SCFD2: variants seen among roughly 807,000 people sequenced by gnomAD.
SCFD2 encodes sec1 family domain containing 2.
A neutral mutation model predicts 58.9 loss-of-function variants in SCFD2; 54 were observed. The observed-to-expected ratio is 0.92, with a 90% CI of 0.74 to 1.15. The LOEUF is 1.15. Ranked by LOEUF, SCFD2 falls within the 50% of genes most tolerant of loss-of-function variation. SCFD2 has a pLI of 0.00. For missense variants in SCFD2, 805 were observed against 836.6 expected, an observed-to-expected ratio of 0.96 and a Z score of 0.47; for synonymous variants, 321 against 335.9, an observed-to-expected ratio of 0.96 and a Z score of 0.49.
chr4:53,030,912 C>T lies in SCFD2; in HGVS notation c.1562-110042G>A, dbSNP rs552573350. On this transcript the variant is annotated intron_variant, in intron 5 of 8. Coordinates refer to ENST00000401642, the MANE Select transcript of SCFD2 (RefSeq NM_152540.4). ...AATTCACCTGGCTAATGAATAAATA[C>T]ATTGGTACTCCCACACAGCAGAAGA... Among the ~76,000 whole-genome samples the T allele has an allele frequency of 1.9e-3, 283 of 152,316 alleles. 2 individuals are homozygous for T. Among genetic ancestry groups the T allele is most frequent in the Non-Finnish European group, 2.8e-3 (192 of 68,020 alleles).
At chr4:53,268,996 C>A (rs1390969172) in intron 4 of SCFD2, among the ~76,000 whole-genome samples, 1 of 152,120 alleles carries the variant, frequency 6.6e-6, no homozygotes, top group Non-Finnish European at 1.5e-5. Flanking sequence ...AGGGGGAAAA[C>A]TGGAATGAAC....
intron 4 of SCFD2, among the ~76,000 whole-genome samples, chr4:53,249,768 C>G (rs982961881): frequency 2.0e-5 from 3 of 152,124 alleles, no homozygotes; most frequent in African/African-American, 7.2e-5. Flanking sequence ...TTTGTCACCA[C>G]CAGGCCTGCC....
chr4:52,916,359 C>T (rs1279482865), intron 6 of SCFD2, among the ~76,000 whole-genome samples: 1 of 152,228 alleles, frequency 6.6e-6, no homozygotes, highest in Admixed American at 6.5e-5. Context: ...CACCTGAGGT[C>T]AGGAGTTCAA....
chr4:52,907,651 C>G, intron 6 of SCFD2, 60 bp from the exon 7 acceptor site: 1 of 1,547,090 alleles, frequency 6.5e-7, no homozygotes, highest in Non-Finnish European at 8.9e-7. Context: ...GAGAGGACAG[C>G]TTTATCTGCA....
At chr4:53,159,955 A>G (rs143833711) in intron 4 of SCFD2, among the ~76,000 whole-genome samples, 1 of 152,340 alleles carries the variant, frequency 6.6e-6, no homozygotes, top group East Asian at 1.9e-4. Context: ...AAATGCACGA[A>G]AAAGAATCAG....
chr4:53,093,831 T>C (rs551939993), intron 5 of SCFD2, among the ~76,000 whole-genome samples: 3 of 151,946 alleles, frequency 2.0e-5, no homozygotes, highest in African/African-American at 4.8e-5. Context: ...GCATCAGTCA[T>C]CTCCAGGAAG....
intron 2 of SCFD2, among the ~76,000 whole-genome samples, chr4:53,338,575 C>CTTTTTTTTATATTTTTTTTTTTTTTTTT (rs1733752925): frequency 1.4e-5 from 1 of 72,296 alleles, no homozygotes; most frequent in Non-Finnish European, 2.5e-5. Context: ...GTATATTTTT[C>CTTTTTTTTATATTTTTTTTTTTTTTTTT]TTTTTTTTTT....
intron 2 of SCFD2, among the ~76,000 whole-genome samples, chr4:53,317,114 A>G (rs1475456653): frequency 6.6e-6 from 1 of 152,062 alleles, no homozygotes; most frequent in Non-Finnish European, 1.5e-5. Flanking sequence ...GTCAAAAAAA[A>G]AAAAAAAAAT....
intron 2 of SCFD2, among the ~76,000 whole-genome samples, chr4:53,322,239 A>G (rs1476255970): frequency 2.6e-5 from 4 of 152,170 alleles, no homozygotes; most frequent in African/African-American, 7.2e-5. Context: ...GCAGTAAAGA[A>G]GCCGACCAAA....
At chr4:53,029,128 T>C (rs1157498083) in intron 5 of SCFD2, among the ~76,000 whole-genome samples, 1 of 152,208 alleles carries the variant, frequency 6.6e-6, no homozygotes, top group Non-Finnish European at 1.5e-5. Context: ...TTTCTTGTGA[T>C]GTGTGGTATG....
At chr4:52,907,392 G>A in intron 7 of SCFD2, 65 bp downstream of exon 7, 4 of 1,537,528 alleles carry the variant, frequency 2.6e-6, no homozygotes, top group Non-Finnish European at 3.6e-6. Flanking sequence ...CAGGGTGCCA[G>A]CATTTTCATG....
At chr4:53,330,464 T>C (rs2149131045) in intron 2 of SCFD2, among the ~76,000 whole-genome samples, 1 of 152,234 alleles carries the variant, frequency 6.6e-6, no homozygotes, top group East Asian at 1.9e-4. Context: ...GAAAAGAATT[T>C]TCAACCCAGA....
intron 4 of SCFD2, among the ~76,000 whole-genome samples, chr4:53,255,245 G>A (rs1376399026): frequency 2.1e-5 from 2 of 93,250 alleles, no homozygotes; most frequent in African/African-American, 3.3e-5. Flanking sequence ...GATCATTCTT[G>A]GGTGTTTCTC....
At chr4:53,347,384 G>C (rs1171547415) in intron 2 of SCFD2, among the ~76,000 whole-genome samples, 6 of 152,148 alleles carry the variant, frequency 3.9e-5, no homozygotes, top group Non-Finnish European at 7.3e-5. Flanking sequence ...TGGGGACGCA[G>C]CAGTGAATAA....
intron 1 of SCFD2, among the ~76,000 whole-genome samples, chr4:53,355,316 T>G (rs1734369855): frequency 6.6e-6 from 1 of 152,222 alleles, no homozygotes; most frequent in African/African-American, 2.4e-5. Flanking sequence ...AGGGGGAACC[T>G]TTCACTTACT....
chr4:53,326,362 C>T (rs1031985508), intron 2 of SCFD2, among the ~76,000 whole-genome samples: 3 of 152,106 alleles, frequency 2.0e-5, no homozygotes, highest in Non-Finnish European at 2.9e-5. Flanking sequence ...AGCCTGGTCT[C>T]GAACTCCTGG....
intron 5 of SCFD2, among the ~76,000 whole-genome samples, chr4:52,953,454 A>G (rs1230418382): frequency 6.6e-6 from 1 of 152,214 alleles, no homozygotes. Context: ...CCTGCCAGCT[A>G]TGAATATTCC....
intron 5 of SCFD2, among the ~76,000 whole-genome samples, chr4:52,989,054 C>A (rs992287405): frequency 1.1e-4 from 17 of 152,220 alleles, no homozygotes; most frequent in African/African-American, 3.9e-4. Flanking sequence ...AAAGAGAAAC[C>A]TAACAAAGAA....
chr4:53,132,887 T>C lies in SCFD2; in HGVS notation c.1561+12446A>G, dbSNP rs577943760. On this transcript the variant is annotated intron_variant, in intron 5 of 8. Coordinates refer to ENST00000401642, the MANE Select transcript of SCFD2 (RefSeq NM_152540.4). ...GAAAACTGTCTTTCAACTGGAATAC[T>C]GTCCTGAGGAGCAGAAATATGCAGG... is the stretch of plus-strand genomic sequence containing the variant. Among the ~76,000 whole-genome samples, 17 of 152,342 alleles carry C rather than the reference T, an allele frequency of 1.1e-4. No individual in the cohort carries two copies. In the East Asian group the frequency reaches 3.1e-3, roughly 28 times the overall value.
Sources: allele counts gnomAD v4.1 joint callset (sites outside exome capture counted in the v4.1 genomes callset), GRCh38; gene constraint gnomAD v4.1.1; transcripts MANE v1.5; gene names NCBI Gene and HGNC (gene_info 2026-07-23, HGNC 2026-07-21).